The following SHANK2 variants were observed in gnomAD, a reference collection of about 807,000 sequenced individuals.
The protein encoded by SHANK2 is SH3 and multiple ankyrin repeat domains 2.
Under a neutral mutation model 133.7 loss-of-function variants are expected in SHANK2, and 43 were observed. The observed-to-expected ratio is 0.32, with a 90% CI of 0.25 to 0.41. The LOEUF is 0.41. Among genes scored for constraint, SHANK2 ranks in the 10% least tolerant of loss-of-function variants. SHANK2 has a pLI of 1.00. For synonymous variants in SHANK2, 1,017 were observed against 952.8 expected (o/e 1.07, Z -1.24); for missense variants, 1,994 against 2,235.8 (o/e 0.89, Z 2.18).
At chr11:71,177,128 T>G (rs890054192) in intron 2 of SHANK2, among the ~76,000 whole-genome samples, 1 of 104,620 alleles carries the variant, frequency 9.6e-6, no homozygotes, top group East Asian at 2.0e-4. Context: ...AGAAATGAAG[T>G]AGCCGAAAGA....
intron 17 of SHANK2, among the ~76,000 whole-genome samples, chr11:70,537,025 G>A (rs1195109606): frequency 6.6e-6 from 1 of 152,172 alleles, no homozygotes; most frequent in Non-Finnish European, 1.5e-5. Flanking sequence ...AGCTAGAAGA[G>A]GGTTCCCCAG....
In SHANK2 at chr11:70,899,320, C is replaced by T. The variant is rs973410267; in HGVS notation, c.1108-2753G>A. Among the ~76,000 whole-genome samples the T allele has an allele frequency of 6.6e-5, 10 of 152,346 alleles. No homozygotes were observed. In the South Asian group the frequency reaches 2.1e-3, roughly 32 times the overall value. ...AAGTGTCTGGCATTTCCCCTGCTGA[C>T]ACTCATTCTCTCTCCTGCCACCCTG... On this transcript the variant is annotated intron_variant, in intron 10 of 25. Coordinates refer to ENST00000601538, the MANE Select transcript of SHANK2 (RefSeq NM_012309.5).
At position 70,596,588 on chromosome 11, in the gene SHANK2, C is replaced by CG. The variant is rs557308885; in HGVS notation, c.2061+63239dup. Among the ~76,000 whole-genome samples the CG allele has an allele frequency of 1.0e-3, 152 of 152,246 alleles. No individual in the cohort carries two copies. The Middle Eastern group carries it at 0.014, about 14-fold the overall frequency. The stretch of plus-strand genomic sequence containing the variant: ...AACCACTGAGGGCAGAATCCTGATG[C>CG]GGGGGGGCGGCAGGCCCAGCAGGGC... On this transcript the variant is annotated intron_variant, in intron 17 of 25. Transcript: ENST00000601538.
At chr11:70,691,895 A>AAAAT (rs1565245335) in intron 15 of SHANK2, among the ~76,000 whole-genome samples, 2 of 152,188 alleles carry the variant, frequency 1.3e-5, no homozygotes, top group East Asian at 1.9e-4. Flanking sequence ...CTCTGTCTCA[A>AAAAT]AAATAAATAA....
At chr11:70,938,248 A>G (rs1356797574) in intron 10 of SHANK2, among the ~76,000 whole-genome samples, 1 of 151,962 alleles carries the variant, frequency 6.6e-6, no homozygotes, top group Non-Finnish European at 1.5e-5. Flanking sequence ...GGTGTGGTGG[A>G]GGGGGGTGTC....
At chr11:71,077,653 C>T (rs960668865) in intron 8 of SHANK2, among the ~76,000 whole-genome samples, 4 of 151,878 alleles carry the variant, frequency 2.6e-5, no homozygotes, top group Non-Finnish European at 5.9e-5. Flanking sequence ...TGTTTTAACC[C>T]CTGGTGGTTG....
chr11:71,081,169 TG>T (rs1270102208), intron 8 of SHANK2, among the ~76,000 whole-genome samples: 29 of 152,272 alleles, frequency 1.9e-4, no homozygotes, highest in Admixed American at 3.9e-4. Flanking sequence ...CCTGTGAAGA[TG>T]CAGAGAAAAG....
In SHANK2 at chr11:70,863,454, C is replaced by T. The variant is rs139796727; in HGVS notation, c.1174+33047G>A. 7.1e-4 allele frequency: 325 copies of T among 457,846 alleles called. 7 individuals carry two copies. In the East Asian group the frequency reaches 0.012, roughly 17 times the overall value. 28.4% of individuals were successfully genotyped at this position (457,846 alleles called of 1,614,324 possible). ...TGGGACGCCTGTGAACTCCTGGCCA[C>T]GGCTATGTGGTGGAAGACACGGATT... On this transcript the variant is annotated intron_variant, in intron 11 of 25. Transcript: ENST00000601538.
At chr11:70,756,080 G>T (rs1363948150) in intron 14 of SHANK2, among the ~76,000 whole-genome samples, 1 of 152,050 alleles carries the variant, frequency 6.6e-6, no homozygotes, top group African/African-American at 2.4e-5. Context: ...TTTCCTCACT[G>T]GCCGCAGCGG....
In SHANK2 at chr11:70,500,809, C is replaced by T. The variant is rs1477531577; in HGVS notation, c.2288-219G>A. 3 of 727,094 alleles carry T rather than the reference C, an allele frequency of 4.1e-6. No individual in the cohort carries two copies. The highest frequency in any genetic ancestry group is 1.7e-5 in the African/African-American group (1 of 57,368). 45.0% of individuals were successfully genotyped at this position (727,094 alleles called of 1,614,324 possible). On this transcript the variant is annotated intron_variant, in intron 20 of 25. Transcript: ENST00000601538. This position sits in a 1 kb window ranked among gnomAD's most constrained non-coding sequence, Gnocchi z 4.5. ...GCCCGCACAACTCTGTCCTGTCTGCCCTGCTCGTTAACCTACTGCCTGGCA... is the reference window on the plus strand; with the variant it reads ...GCCCGCACAACTCTGTCCTGTCTGCTCTGCTCGTTAACCTACTGCCTGGCA...
rs782156775 is a variant in SHANK2, at chr11:70,800,176, C to T, written c.1664-1620G>A. ...TAGCTGGGATGACAGGCGTGTACCA[C>T]GACACCTCATTATTATTATAATTAC... On this transcript the variant is annotated intron_variant, in intron 13 of 25. Coordinates refer to ENST00000601538, the MANE Select transcript of SHANK2 (RefSeq NM_012309.5). Among the ~76,000 whole-genome samples the T allele has an allele frequency of 1.6e-4, 25 of 152,276 alleles. No individual in the cohort carries two copies. In the Middle Eastern group the frequency reaches 0.01, roughly 62 times the overall value.
At chr11:71,087,523 G>A (rs1951435099) in intron 8 of SHANK2, among the ~76,000 whole-genome samples, 2 of 152,184 alleles carry the variant, frequency 1.3e-5, no homozygotes, top group African/African-American at 4.8e-5. Context: ...TGCAACCAGA[G>A]CACTGTGATG....
intron 2 of SHANK2, among the ~76,000 whole-genome samples, chr11:71,203,155 C>A (rs1265416474): frequency 6.6e-6 from 1 of 152,076 alleles, no homozygotes; most frequent in Non-Finnish European, 1.5e-5. Flanking sequence ...AGCGTAATGA[C>A]CATCTGTGAG....
At chr11:70,860,460 G>A (rs1040994904) in intron 11 of SHANK2, among the ~76,000 whole-genome samples, 1 of 152,314 alleles carries the variant, frequency 6.6e-6, no homozygotes, top group South Asian at 2.1e-4. Flanking sequence ...AAGGAATAAG[G>A]GAATAAGAAT....
intron 8 of SHANK2, among the ~76,000 whole-genome samples, chr11:71,076,060 G>A (rs1051897448): frequency 0.018 from 2,758 of 152,276 alleles, 92 homozygotes; most frequent in African/African-American, 0.063. Flanking sequence ...GGCCTCACAC[G>A]AGGCTGGGCA....
At chr11:71,083,741 G>A (rs1951334449) in intron 8 of SHANK2, among the ~76,000 whole-genome samples, 1 of 152,236 alleles carries the variant, frequency 6.6e-6, no homozygotes, top group East Asian at 1.9e-4. Context: ...CCTGTGGCCA[G>A]GGCCAGCGTG....
intron 6 of SHANK2, among the ~76,000 whole-genome samples, chr11:71,103,823 CCTCT>C (rs1565452850): frequency 6.8e-6 from 1 of 147,770 alleles, no homozygotes; most frequent in Non-Finnish European, 1.5e-5. Context: ...GTGTGTGGCA[CCTCT>C]CTCTCTCTCC....
intron 1 of SHANK2, among the ~76,000 whole-genome samples, chr11:71,241,706 C>T (rs2135808990): frequency 6.6e-6 from 1 of 152,270 alleles, no homozygotes; most frequent in South Asian, 2.1e-4. Flanking sequence ...TGGAAGACAC[C>T]AGACATGGGA....
At chr11:70,826,363 T>G in intron 11 of SHANK2, 1 of 447,536 alleles carries the variant, frequency 2.2e-6, no homozygotes, top group South Asian at 1.6e-5. Context: ...GATTAACAAC[T>G]GGCAATTTTA....
Sources: allele counts gnomAD v4.1 joint callset (sites outside exome capture counted in the v4.1 genomes callset), GRCh38; gene constraint gnomAD v4.1.1; non-coding constraint Gnocchi (gnomAD v3.1); transcripts MANE v1.5; gene names NCBI Gene and HGNC (gene_info 2026-07-23, HGNC 2026-07-21).